Variants in ZNF428 observed in about 807,000 individuals in gnomAD.
ZNF428 encodes the protein zinc finger protein 428, also known as enzyme-like protein PIT13.
A neutral mutation model predicts 15.6 loss-of-function variants in ZNF428; 5 were observed. The ratio of observed to expected loss-of-function variants is 0.32; its 90% CI spans 0.17 to 0.67. The LOEUF is 0.67. ZNF428 is among the 30% of genes least tolerant of loss of function. The pLI, the probability that ZNF428 is intolerant of heterozygous loss-of-function variation, is 0.73. For synonymous variants in ZNF428, 97 were observed against 102.2 expected (o/e 0.95, Z 0.31); for missense variants, 237 against 256.0 (o/e 0.93, Z 0.51).
chr19:43,615,826 G>A (rs1973366680), intron 1 of ZNF428, among the ~76,000 whole-genome samples: 1 of 152,118 alleles, frequency 6.6e-6, no homozygotes, highest in Non-Finnish European at 1.5e-5. Flanking sequence ...ATAAGGGAAG[G>A]GGCAGGGAGC....
Position 43,612,746 on chromosome 19 carries a change from G to A in ZNF428, c.76+1483C>T, listed in dbSNP as rs761159656. ...AGGCTCAGGTATAGGGAGGAGTTCC[G>A]AGCTGGCTGTAACTCCCAGTACAGC... On this transcript the variant is annotated intron_variant, in intron 2 of 2. Transcript: ENST00000300811. This position sits in a 1 kb window ranked among gnomAD's most constrained non-coding sequence, Gnocchi z 4.2. 36 of 1,551,458 alleles carry A rather than the reference G, an allele frequency of 2.3e-5. No homozygotes were observed. The highest frequency in any genetic ancestry group is 4.9e-5 in the East Asian group (2 of 40,926).
intron 2 of ZNF428, chr19:43,613,811 A>G (rs1262927678): frequency 6.5e-7 from 1 of 1,549,432 alleles, no homozygotes; most frequent in Non-Finnish European, 8.7e-7. Context: ...CAGAAGCCCC[A>G]GCAAAGAGAG....
chr19:43,613,140 G>C (rs768621607), intron 2 of ZNF428: 4 of 1,551,640 alleles, frequency 2.6e-6, no homozygotes, highest in Non-Finnish European at 2.6e-6. Context: ...AAGGGGAAAA[G>C]TCAAAACCAA....
chr19:43,609,840 G>A (rs971093402), intron 2 of ZNF428, among the ~76,000 whole-genome samples: 1 of 152,122 alleles, frequency 6.6e-6, no homozygotes, highest in Non-Finnish European at 1.5e-5. Flanking sequence ...GTAATGGTTG[G>A]GGATGGGGTC....
chr19:43,613,497 G>A (rs1472487775), intron 2 of ZNF428: 2 of 1,546,134 alleles, frequency 1.3e-6, no homozygotes. Context: ...AACAAGGCAA[G>A]AGATCATAGC....
At chr19:43,619,400 G>A (rs910877376) in intron 1 of ZNF428, among the ~76,000 whole-genome samples, 158 bp downstream of exon 1, 4 of 152,244 alleles carry the variant, frequency 2.6e-5, no homozygotes, top group African/African-American at 9.6e-5. Flanking sequence ...ATGCCCCAGG[G>A]CGGCACAAAC....
intron 2 of ZNF428, among the ~76,000 whole-genome samples, chr19:43,608,868 C>T (rs1189812183): frequency 6.9e-6 from 1 of 144,314 alleles, no homozygotes; most frequent in Non-Finnish European, 1.5e-5. Context: ...GCGGAGGTTG[C>T]AGTGAGCCGA....
Position 43,612,569 on chromosome 19 carries a change from G to GC in ZNF428, c.76+1659dup, listed in dbSNP as rs1973311752. ...TCCTGGCAGGATAAGAACTCATGGTGCCAGACCAGGCATGGCCAGCAGGGT... is the reference window on the plus strand; with the variant it reads ...TCCTGGCAGGATAAGAACTCATGGTGCCCAGACCAGGCATGGCCAGCAGGGT... On this transcript the variant is annotated intron_variant, in intron 2 of 2. Transcript: ENST00000300811. The surrounding 1 kb of genome is among the most constrained non-coding windows in gnomAD (Gnocchi z 4.2). 6.4e-7 allele frequency: 1 copy of GC among 1,551,392 alleles called. No homozygotes were observed. The highest frequency in any genetic ancestry group is 1.2e-5 in the South Asian group (1 of 84,044).
rs1973308358 is a variant in ZNF428 at position 43,612,412 on chromosome 19, C to T, written c.76+1817G>A. ...GAACACCCAGCAGGGTGAGCACCGA[C>T]ACCAGGACCAGCAAAGCCAGCAAGG... On this transcript the variant is annotated intron_variant, in intron 2 of 2. Coordinates refer to ENST00000300811, the MANE Select transcript of ZNF428 (RefSeq NM_182498.4). This position sits in a 1 kb window ranked among gnomAD's most constrained non-coding sequence, Gnocchi z 4.2. The T allele has an allele frequency of 6.4e-7, 1 of 1,551,656 alleles. No individual in the cohort carries two copies. The highest frequency in any genetic ancestry group is 2.4e-5 in the East Asian group (1 of 40,922).
intron 2 of ZNF428, among the ~76,000 whole-genome samples, chr19:43,611,531 G>A (rs1245101005): frequency 6.6e-6 from 1 of 152,062 alleles, no homozygotes; most frequent in Non-Finnish European, 1.5e-5. Flanking sequence ...TGTTGGTTAG[G>A]CTGGTCTTGA....
In ZNF428 at chr19:43,607,298, C is replaced by T; in HGVS notation, c.*319G>A. On this transcript the variant is annotated 3_prime_UTR_variant, in exon 3 of 3. Coordinates refer to ENST00000300811, the MANE Select transcript of ZNF428 (RefSeq NM_182498.4). This position sits in a 1 kb window ranked among gnomAD's most constrained non-coding sequence, Gnocchi z 5.1. ...GTAAGTAAATACATGGAAACCTCATCGAATACAAGCACGCAGTAAATGTTA... is the reference window on the plus strand; with the variant it reads ...GTAAGTAAATACATGGAAACCTCATTGAATACAAGCACGCAGTAAATGTTA... 3.2e-6 allele frequency: 1 copy of T among 310,078 alleles called. No individual in the cohort carries two copies. The highest frequency in any genetic ancestry group is 5.9e-6 in the Non-Finnish European group (1 of 169,680). 19.2% of individuals were successfully genotyped at this position (310,078 alleles called of 1,614,324 possible). A position where few individuals can be genotyped will look rare whatever the true frequency, so the allele number is the denominator to read the frequency against.
Position 43,612,473 on chromosome 19 carries a change from C to A in ZNF428, c.76+1756G>T. 1.3e-6 allele frequency: 2 copies of A among 1,545,802 alleles called. No individual in the cohort carries two copies. The highest frequency in any genetic ancestry group is 2.4e-5 in the South Asian group (2 of 83,884). On this transcript the variant is annotated intron_variant, in intron 2 of 2. Transcript: ENST00000300811. This position sits in a 1 kb window ranked among gnomAD's most constrained non-coding sequence, Gnocchi z 4.2. ...GAGATGCCACCAGCGGAGGGGCACACACAGCCGGGGTAGGACACCTGGCAG... is the reference window on the plus strand; with the variant it reads ...GAGATGCCACCAGCGGAGGGGCACAAACAGCCGGGGTAGGACACCTGGCAG...
In ZNF428 at chr19:43,612,301, C is replaced by G. The variant is rs901061922; in HGVS notation, c.76+1928G>C. On this transcript the variant is annotated intron_variant, in intron 2 of 2. Transcript: ENST00000300811. This position sits in a 1 kb window ranked among gnomAD's most constrained non-coding sequence, Gnocchi z 4.2. ...CCCGTAACTCAGTCATGAGCCCAAG[C>G]AGTTCCAAGTCCACCAAATCGACCA... is the stretch of plus-strand genomic sequence containing the variant. 2 of 1,551,748 alleles carry G rather than the reference C, an allele frequency of 1.3e-6. No individual in the cohort carries two copies. Among genetic ancestry groups the G allele is most frequent in the Non-Finnish European group, 1.7e-6 (2 of 1,147,004 alleles).
chr19:43,617,192 C>T (rs1359142669), intron 1 of ZNF428, among the ~76,000 whole-genome samples: 1 of 152,086 alleles, frequency 6.6e-6, no homozygotes, highest in African/African-American at 2.4e-5. Context: ...TGAAATACTG[C>T]CTCTGCCAGG....
At position 43,612,769 on chromosome 19, in the gene ZNF428, A is replaced by G; in HGVS notation, c.76+1460T>C. ...CCGAGCTGGCTGTAACTCCCAGTAC[A>G]GCCAAGTGTCAAACCCCGACTGGAA... On this transcript the variant is annotated intron_variant, in intron 2 of 2. Transcript: ENST00000300811. The surrounding 1 kb of genome is among the most constrained non-coding windows in gnomAD (Gnocchi z 4.2). 1 of 1,551,648 alleles carries G rather than the reference A, an allele frequency of 6.4e-7. No individual in the cohort carries two copies. Among genetic ancestry groups the G allele is most frequent in the South Asian group, 1.2e-5 (1 of 84,064 alleles).
chr19:43,607,856 G>T lies in ZNF428; in HGVS notation c.328C>A (p.Pro110Thr). The T allele has an allele frequency of 1.3e-6, 2 of 1,557,146 alleles. No individual in the cohort carries two copies. Among genetic ancestry groups the T allele is most frequent in the Non-Finnish European group, 1.7e-6 (2 of 1,150,138 alleles). The change falls in exon 3 of 3, where the codon CCC becomes ACC. Residue 110 changes from proline (P) to threonine (T), a missense_variant. Coordinates refer to ENST00000300811, the MANE Select transcript of ZNF428 (RefSeq NM_182498.4). This position sits in a 1 kb window ranked among gnomAD's most constrained non-coding sequence, Gnocchi z 5.1. ...PLGEAPPGTPPCRLCCPATAP... is the reference protein window; with the variant it reads ...PLGEAPPGTPTCRLCCPATAP... ...GTAGCAGGGCAGCAGAGCCGGCAGG[G>T]TGGGGTTCCCGGTGGGGCCTCCCCA...
Position 43,612,176 on chromosome 19 carries a change from T to A in ZNF428, c.76+2053A>T, listed in dbSNP as rs1406176247. The A allele has an allele frequency of 6.4e-7, 1 of 1,551,592 alleles. No homozygotes were observed. Among genetic ancestry groups the A allele is most frequent in the South Asian group, 1.2e-5 (1 of 84,058 alleles). On this transcript the variant is annotated intron_variant, in intron 2 of 2. Transcript: ENST00000300811. The surrounding 1 kb of genome is among the most constrained non-coding windows in gnomAD (Gnocchi z 4.2). Reference sequence around the variant, plus strand: ...CAGTATGTCTCTGGCACCCAGTGGATCCTCCATGCCCACTGCGGATCCCAA... The same window carrying A: ...CAGTATGTCTCTGGCACCCAGTGGAACCTCCATGCCCACTGCGGATCCCAA...
At chr19:43,609,986 T>G (rs1973278671) in intron 2 of ZNF428, among the ~76,000 whole-genome samples, 1 of 152,094 alleles carries the variant, frequency 6.6e-6, no homozygotes, top group African/African-American at 2.4e-5. Flanking sequence ...TACTGCACCC[T>G]GTGCTCCGCC....
At chr19:43,610,304 ATTC>A (rs142362768) in intron 2 of ZNF428, among the ~76,000 whole-genome samples, 2,837 of 151,750 alleles carry the variant, frequency 0.019, 60 homozygotes, top group African/African-American at 0.051. Flanking sequence ...GGTTCAGGCA[ATTC>A]TTCTGCCTCA....
Sources: gnomAD v4.1 joint callset for allele counts (sites outside exome capture counted in the v4.1 genomes callset) on GRCh38, gnomAD v4.1.1 for gene constraint, Gnocchi (gnomAD v3.1) non-coding constraint, MANE v1.5 for transcripts, NCBI Gene and HGNC (gene_info 2026-07-23, HGNC 2026-07-21) for gene names.